The following CRMP1 variants were observed in gnomAD, a reference collection of about 807,000 sequenced individuals.
CRMP1 encodes the protein collapsin response mediator protein 1, also known as dihydropyrimidinase-related protein 1.
Under a neutral mutation model 68.3 loss-of-function variants are expected in CRMP1, and 19 were observed. The ratio of observed to expected loss-of-function variants is 0.28; its 90% confidence interval spans 0.19 to 0.41. The LOEUF is 0.41. Among genes scored for constraint, CRMP1 ranks in the 10% least tolerant of loss-of-function variants. CRMP1 has a pLI of 1.00. For synonymous variants in CRMP1, 439 were observed against 399.6 expected, an observed-to-expected ratio of 1.10 and a Z score of -1.18; for missense variants, 791 against 967.4, an observed-to-expected ratio of 0.82 and a Z score of 2.42.
intron 4 of CRMP1, 53 bp from the exon 5 acceptor site, chr4:5,851,522 T>C: frequency 1.9e-6 from 3 of 1,542,802 alleles, no homozygotes; most frequent in South Asian, 1.1e-5. Context: ...AACAGAAGCA[T>C]GTCTTTCCAA....
chr4:5,833,819 C>T (rs1037212134), intron 11 of CRMP1, among the ~76,000 whole-genome samples: 8 of 152,170 alleles, frequency 5.3e-5, no homozygotes, highest in South Asian at 2.1e-4. Flanking sequence ...CCCACACGGG[C>T]GGATCACGAG....
intron 10 of CRMP1, among the ~76,000 whole-genome samples, chr4:5,836,378 T>C (rs1454781565): frequency 6.6e-6 from 1 of 152,206 alleles, no homozygotes; most frequent in African/African-American, 2.4e-5. Context: ...AGGTCAGTGA[T>C]CAGAGTGAGA....
intron 11 of CRMP1, among the ~76,000 whole-genome samples, chr4:5,835,227 G>A (rs1041109800): frequency 3.3e-5 from 5 of 152,138 alleles, no homozygotes; most frequent in African/African-American, 1.2e-4. Flanking sequence ...AGGGACCACT[G>A]TGGCCTCTTG....
chr4:5,862,483 A>C (rs1013949531), intron 2 of CRMP1, among the ~76,000 whole-genome samples: 22 of 152,200 alleles, frequency 1.4e-4, no homozygotes, highest in African/African-American at 5.1e-4. Context: ...CAAGAGCTGA[A>C]GGGAAAGGGG....
Position 5,865,717 on chromosome 4 carries a change from C to T in CRMP1, c.470+951G>A, listed in dbSNP as rs939322949. ...CAAAATTCATGTTGAAGCCCCAGCC[C>T]ACCCCATGGGACTACCTTTAGCGAC... is the stretch of plus-strand genomic sequence containing the variant. On this transcript the variant is annotated intron_variant, in intron 2 of 13. Transcript: ENST00000324989. This position sits in a 1 kb window ranked among gnomAD's most constrained non-coding sequence, Gnocchi z 4.1. Among the ~76,000 whole-genome samples the T allele has an allele frequency of 6.6e-6, 1 of 152,068 alleles. No homozygotes were observed. Among genetic ancestry groups the T allele is most frequent in the Non-Finnish European group, 1.5e-5 (1 of 68,024 alleles).
intron 3 of CRMP1, among the ~76,000 whole-genome samples, chr4:5,857,166 A>T (rs566240525): frequency 5.4e-5 from 8 of 149,060 alleles, no homozygotes; most frequent in African/African-American, 2.0e-4. Context: ...ACCATCCACT[A>T]TCATCACCAC....
intron 2 of CRMP1, among the ~76,000 whole-genome samples, chr4:5,862,072 A>G (rs114316000): frequency 0.024 from 3,593 of 152,238 alleles, 163 homozygotes; most frequent in African/African-American, 0.081. Flanking sequence ...GGGCTCCCCC[A>G]AAGAAGTGGG....
Position 5,835,910 on chromosome 4 carries a change from C to T in CRMP1, c.1623+5G>A. On this transcript the variant is annotated splice_donor_5th_base_variant and intron_variant, in intron 11 of 13. Coordinates refer to ENST00000324989, the MANE Select transcript of CRMP1 (RefSeq NM_001014809.3). Reference sequence around the variant, plus strand: ...TCTCAGCAGCACAAATAGGCCAGGACTTACCGACTTGTGACTTTTGGCTGT... The same window carrying T: ...TCTCAGCAGCACAAATAGGCCAGGATTTACCGACTTGTGACTTTTGGCTGT... 1 of 1,531,054 alleles carries T rather than the reference C, an allele frequency of 6.5e-7. No individual in the cohort carries two copies. The highest frequency in any genetic ancestry group is 8.8e-7 in the Non-Finnish European group (1 of 1,139,798). The allele number at this position is 1,531,054 out of a possible 1,614,324, so 94.8% of individuals were successfully genotyped here. A position where few individuals can be genotyped will look rare whatever the true frequency, so the allele number is the denominator to read the frequency against.
At position 5,854,044 on chromosome 4, in the gene CRMP1, C is replaced by G. The variant is rs1712853269; in HGVS notation, c.820+2099G>C. Among the ~76,000 whole-genome samples the G allele has an allele frequency of 6.6e-6, 1 of 152,228 alleles. No individual in the cohort carries two copies. Among genetic ancestry groups the G allele is most frequent in the African/African-American group, 2.4e-5 (1 of 41,472 alleles). On this transcript the variant is annotated intron_variant, in intron 4 of 13. Transcript: ENST00000324989. The surrounding 1 kb of genome is among the most constrained non-coding windows in gnomAD (Gnocchi z 4.0). ...GCCTCACGGAGCCCAGTGTCTTTCCCTACAAACTCCACTGCCACTCCAGAG... is the reference window on the plus strand; with the variant it reads ...GCCTCACGGAGCCCAGTGTCTTTCCGTACAAACTCCACTGCCACTCCAGAG...
At position 5,855,230 on chromosome 4, in the gene CRMP1, A is replaced by C. The variant is rs1043413707; in HGVS notation, c.820+913T>G. On this transcript the variant is annotated intron_variant, in intron 4 of 13. Transcript: ENST00000324989. This position sits in a 1 kb window ranked among gnomAD's most constrained non-coding sequence, Gnocchi z 4.9. ...TTGGGGGTAGAACCAGAGGAAAACA[A>C]TTTTTTTCCTTCCATTTTCTGACTT... Among the ~76,000 whole-genome samples, 5 of 152,102 alleles carry C rather than the reference A, an allele frequency of 3.3e-5. No individual in the cohort carries two copies. The highest frequency in any genetic ancestry group is 1.2e-4 in the African/African-American group (5 of 41,402).
rs1007809503 is a variant in CRMP1 at position 5,888,470 on chromosome 4, C to G, written c.381+4119G>C. The G allele has an allele frequency of 1.7e-6, 2 of 1,210,406 alleles. No individual in the cohort carries two copies. Among genetic ancestry groups the G allele is most frequent in the South Asian group, 8.6e-5 (2 of 23,344 alleles). 75.0% of individuals were successfully genotyped at this position (1,210,406 alleles called of 1,614,324 possible). ...CCGCCGCCGCTCCGGCTGCCAGCAC[C>G]GCCCGGATCGGCGAGGAGGGCGGGA... On this transcript the variant is annotated intron_variant, in intron 1 of 13. Coordinates refer to ENST00000324989, the MANE Select transcript of CRMP1 (RefSeq NM_001014809.3). This position sits in a 1 kb window ranked among gnomAD's most constrained non-coding sequence, Gnocchi z 6.4.
In CRMP1 at chr4:5,855,473, C is replaced by A. The variant is rs141972838; in HGVS notation, c.820+670G>T. On this transcript the variant is annotated intron_variant, in intron 4 of 13. Coordinates refer to ENST00000324989, the MANE Select transcript of CRMP1 (RefSeq NM_001014809.3). This position sits in a 1 kb window ranked among gnomAD's most constrained non-coding sequence, Gnocchi z 4.9. ...TTTGTGTCTTCTGATCAGTTCCCCC[C>A]AGTTCGATGTAACACACACCATAAA... 9.9e-3 allele frequency among the ~76,000 whole-genome samples: 1,502 copies of A among 152,210 alleles called. 6 individuals are homozygous for A. Among genetic ancestry groups the A allele is most frequent in the Admixed American group, 0.015 (223 of 15,288 alleles).
chr4:5,828,030 G>T, intron 12 of CRMP1: 2 of 985,300 alleles, frequency 2.0e-6, no homozygotes, highest in Non-Finnish European at 2.4e-6. Flanking sequence ...GGGCGGATCT[G>T]AAGGAAGCCC....
At chr4:5,829,368 G>C (rs188075305) in intron 11 of CRMP1, among the ~76,000 whole-genome samples, 1 of 152,028 alleles carries the variant, frequency 6.6e-6, no homozygotes. Context: ...CAGCCTGGGG[G>C]ACAGAGCGAG....
At chr4:5,857,428 A>G (rs1223745183) in intron 3 of CRMP1, among the ~76,000 whole-genome samples, 2 of 151,662 alleles carry the variant, frequency 1.3e-5, no homozygotes, top group Non-Finnish European at 2.9e-5. Context: ...ATCACTCACT[A>G]TCATTAACCA....
chr4:5,824,617 G>C, intron 13 of CRMP1: 4 of 949,388 alleles, frequency 4.2e-6, no homozygotes, highest in African/African-American at 3.5e-5. Flanking sequence ...TCCATGACCT[G>C]AGAATAGTTT....
chr4:5,891,175 T>TACACACACACACACACACACAC lies in CRMP1; in HGVS notation c.381+1392_381+1413dup, dbSNP rs58583102. 6.5e-3 allele frequency among the ~76,000 whole-genome samples: 858 copies of TACACACACACACACACACACAC among 132,018 alleles called. 14 individuals are homozygous for TACACACACACACACACACACAC. Among genetic ancestry groups the TACACACACACACACACACACAC allele is most frequent in the Non-Finnish European group, 9.5e-3 (596 of 62,750 alleles). The allele number at this position is 132,018 out of a possible 152,430, so 86.6% of individuals were successfully genotyped here. A position where few individuals can be genotyped will look rare whatever the true frequency, so the allele number is the denominator to read the frequency against. ...TGATCACCCCACCACCACACACACA[T>TACACACACACACACACACACAC]ACACACACACACACACACACACACA... On this transcript the variant is annotated intron_variant, in intron 1 of 13. Transcript: ENST00000324989. This position sits in a 1 kb window ranked among gnomAD's most constrained non-coding sequence, Gnocchi z 5.2.
At chr4:5,863,821 G>T (rs532953914) in intron 2 of CRMP1, among the ~76,000 whole-genome samples, 3 of 152,174 alleles carry the variant, frequency 2.0e-5, no homozygotes, top group Non-Finnish European at 4.4e-5. Flanking sequence ...AAGTAATTGT[G>T]CCTCTGTACC....
rs1182030581 is a variant in CRMP1, at chr4:5,865,404, G to A, written c.470+1264C>T. Reference sequence around the variant, plus strand: ...TGGGAGGCCGAGGCGAGCGGATCACGAGGTCAGGAGATCGAGACCATCCTG... The same window carrying A: ...TGGGAGGCCGAGGCGAGCGGATCACAAGGTCAGGAGATCGAGACCATCCTG... On this transcript the variant is annotated intron_variant, in intron 2 of 13. Coordinates refer to ENST00000324989, the MANE Select transcript of CRMP1 (RefSeq NM_001014809.3). This position sits in a 1 kb window ranked among gnomAD's most constrained non-coding sequence, Gnocchi z 4.1. Among the ~76,000 whole-genome samples, 1 of 151,966 alleles carries A rather than the reference G, an allele frequency of 6.6e-6. No homozygotes were observed. The highest frequency in any genetic ancestry group is 1.5e-5 in the Non-Finnish European group (1 of 68,002).
Sources: allele counts gnomAD v4.1 joint callset (sites outside exome capture counted in the v4.1 genomes callset), GRCh38; gene constraint gnomAD v4.1.1; non-coding constraint Gnocchi (gnomAD v3.1); transcripts MANE v1.5; gene names NCBI Gene and HGNC (gene_info 2026-07-23, HGNC 2026-07-21).